The following GALNT17 variants were observed in gnomAD, a reference collection of about 807,000 sequenced individuals.
The protein encoded by GALNT17 is polypeptide N-acetylgalactosaminyltransferase 17, also known as UDP-GalNAc:polypeptide N-acetylgalactosaminyltransferase-like 3.
In GALNT17, 29 loss-of-function variants were observed where a neutral mutation model predicts 63.7. That is an observed-to-expected ratio of 0.46 (90% CI 0.34 to 0.62). GALNT17 has a LOEUF of 0.62. Ranked by LOEUF, GALNT17 falls within the 20% of genes least tolerant of loss-of-function variation. GALNT17 has a pLI of 0.01. For missense variants in GALNT17, 603 were observed against 799.6 expected (o/e 0.75, Z 2.97); for synonymous variants, 305 against 318.3 (o/e 0.96, Z 0.45).
intron 6 of GALNT17, among the ~76,000 whole-genome samples, chr7:71,573,066 T>C (rs1386719113): frequency 2.0e-5 from 3 of 151,976 alleles, no homozygotes; most frequent in Non-Finnish European, 2.9e-5. Context: ...CTGGGTGCAG[T>C]GGTGTGATCT....
chr7:71,192,089 G>A (rs769061502), intron 1 of GALNT17, among the ~76,000 whole-genome samples: 1 of 152,142 alleles, frequency 6.6e-6, no homozygotes, highest in Non-Finnish European at 1.5e-5. Context: ...TCCAAAAGCC[G>A]AAGAACTTGG....
chr7:71,255,203 C>T (rs1790268055), intron 1 of GALNT17, among the ~76,000 whole-genome samples: 1 of 152,238 alleles, frequency 6.6e-6, no homozygotes, highest in South Asian at 2.1e-4. Flanking sequence ...ACAATTCCCA[C>T]ATGTCTTGGG....
intron 4 of GALNT17, among the ~76,000 whole-genome samples, chr7:71,418,726 C>T (rs1389738592): frequency 6.6e-6 from 1 of 152,216 alleles, no homozygotes. Context: ...ATAGGCAGGA[C>T]ATCCCCAGGG....
intron 2 of GALNT17, among the ~76,000 whole-genome samples, chr7:71,350,141 AAAT>A (rs1370833103): frequency 1.3e-5 from 2 of 152,224 alleles, no homozygotes; most frequent in African/African-American, 4.8e-5. Flanking sequence ...AGTTAAATAA[AAAT>A]AAAGAAAGGA....
intron 6 of GALNT17, among the ~76,000 whole-genome samples, chr7:71,658,343 G>A (rs1424887678): frequency 6.6e-6 from 1 of 152,188 alleles, no homozygotes; most frequent in African/African-American, 2.4e-5. Flanking sequence ...ATCTCCCATA[G>A]TGTGTCTTCT....
intron 2 of GALNT17, among the ~76,000 whole-genome samples, chr7:71,354,725 G>A (rs1403157269): frequency 6.6e-6 from 1 of 152,104 alleles, no homozygotes; most frequent in African/African-American, 2.4e-5. Context: ...CATTACAAAA[G>A]GAATTAGGTT....
chr7:71,688,082 T>C (rs543453182), intron 9 of GALNT17, among the ~76,000 whole-genome samples: 1 of 152,300 alleles, frequency 6.6e-6, no homozygotes, highest in East Asian at 1.9e-4. Context: ...CTGATGGTGT[T>C]CTATGTATCT....
At chr7:71,207,212 ATTGTG>A (rs1417474059) in intron 1 of GALNT17, among the ~76,000 whole-genome samples, 3 of 152,058 alleles carry the variant, frequency 2.0e-5, no homozygotes, top group Non-Finnish European at 2.9e-5. Context: ...CCATTGATCA[ATTGTG>A]TTGTGTTGTT....
At chr7:71,543,490 A>G (rs1303037988) in intron 5 of GALNT17, among the ~76,000 whole-genome samples, 1 of 152,206 alleles carries the variant, frequency 6.6e-6, no homozygotes. Context: ...AGAGATCTGG[A>G]AAGTCCTCGG....
intron 1 of GALNT17, among the ~76,000 whole-genome samples, chr7:71,254,139 T>C (rs367970046): frequency 4.6e-5 from 7 of 152,296 alleles, no homozygotes; most frequent in East Asian, 3.9e-4. Flanking sequence ...AGGTCATAGG[T>C]AGATTCAAAC....
At chr7:71,452,417 GCA>G (rs1310965264) in intron 5 of GALNT17, among the ~76,000 whole-genome samples, 1 of 151,916 alleles carries the variant, frequency 6.6e-6, no homozygotes, top group Non-Finnish European at 1.5e-5. Flanking sequence ...ATGGTGGTGT[GCA>G]CCTGTAATCC....
intron 5 of GALNT17, among the ~76,000 whole-genome samples, chr7:71,523,682 C>T (rs188731986): frequency 1.6e-3 from 242 of 150,638 alleles, no homozygotes; most frequent in African/African-American, 5.6e-3. Flanking sequence ...TTCAAGCCTG[C>T]AGAGAGCTAT....
intron 5 of GALNT17, among the ~76,000 whole-genome samples, chr7:71,480,754 A>T (rs1787804256): frequency 6.6e-6 from 1 of 152,134 alleles, no homozygotes; most frequent in Non-Finnish European, 1.5e-5. Context: ...TGATCCACCC[A>T]CCTGGGCCTC....
At chr7:71,520,933 T>C (rs775871039) in intron 5 of GALNT17, among the ~76,000 whole-genome samples, 11 of 152,128 alleles carry the variant, frequency 7.2e-5, no homozygotes, top group Non-Finnish European at 1.6e-4. Flanking sequence ...GTCACTCCCT[T>C]CTGATTCACC....
intron 1 of GALNT17, among the ~76,000 whole-genome samples, chr7:71,153,884 G>A (rs1788179761): frequency 6.6e-6 from 1 of 151,514 alleles, no homozygotes; most frequent in African/African-American, 2.4e-5. Flanking sequence ...TTCCAGCCTG[G>A]GTGACAAAGG....
At chr7:71,537,210 C>T (rs960786911) in intron 5 of GALNT17, among the ~76,000 whole-genome samples, 6 of 152,168 alleles carry the variant, frequency 3.9e-5, no homozygotes, top group Non-Finnish European at 8.8e-5. Flanking sequence ...ATATCATAGT[C>T]ATTTGTTTAT....
At chr7:71,236,478 C>T (rs1789893923) in intron 1 of GALNT17, among the ~76,000 whole-genome samples, 1 of 152,174 alleles carries the variant, frequency 6.6e-6, no homozygotes, top group African/African-American at 2.4e-5. Flanking sequence ...CTCCAGGGCT[C>T]TGCAAACTAC....
chr7:71,420,834 C>T (rs1786649482), intron 4 of GALNT17, 74 bp from the exon 5 acceptor site: 3 of 1,555,084 alleles, frequency 1.9e-6, no homozygotes, highest in Admixed American at 3.3e-5. Flanking sequence ...AAATGCTGTT[C>T]ATTCCGTGTG....
At chr7:71,272,061 C>G (rs893142721) in intron 1 of GALNT17, among the ~76,000 whole-genome samples, 1 of 152,158 alleles carries the variant, frequency 6.6e-6, no homozygotes, top group Non-Finnish European at 1.5e-5. Flanking sequence ...GGCCAGTTGT[C>G]CCCTATTTCT....
Sources: gnomAD v4.1 joint callset for allele counts (sites outside exome capture counted in the v4.1 genomes callset) on GRCh38, gnomAD v4.1.1 for gene constraint, MANE v1.5 for transcripts, NCBI Gene and HGNC (gene_info 2026-07-23, HGNC 2026-07-21) for gene names.